The following PCBD2 variants were observed in gnomAD, a reference collection of about 807,000 sequenced individuals.
PCBD2 encodes pterin-4 alpha-carbinolamine dehydratase 2.
Under a neutral mutation model 16.4 loss-of-function variants are expected in PCBD2, and 12 were observed. The observed-to-expected ratio is 0.73, with a 90% CI of 0.47 to 1.19. The LOEUF (loss-of-function observed/expected upper bound fraction) is 1.19. Among genes scored for constraint, PCBD2 ranks in the 50% most tolerant of loss-of-function variants. PCBD2 has a pLI of 0.00. For missense variants in PCBD2, 138 were observed against 156.8 expected, an observed-to-expected ratio of 0.88 and a Z score of 0.64; for synonymous variants, 58 against 61.8, an observed-to-expected ratio of 0.94 and a Z score of 0.29.
At chr5:134,954,375 A>G (rs1751392118) in intron 2 of PCBD2, among the ~76,000 whole-genome samples, 1 of 151,950 alleles carries the variant, frequency 6.6e-6, no homozygotes, top group Non-Finnish European at 1.5e-5. Context: ...TTCTCTTTTA[A>G]ACTCCTTTAA....
At chr5:134,906,598 T>C (rs1750694229) in intron 1 of PCBD2, among the ~76,000 whole-genome samples, 1 of 152,178 alleles carries the variant, frequency 6.6e-6, no homozygotes, top group Non-Finnish European at 1.5e-5. Flanking sequence ...AGGCGTACTC[T>C]GCCCCAGGTG....
chr5:134,947,892 C>T (rs1751317054), intron 2 of PCBD2, among the ~76,000 whole-genome samples: 1 of 151,610 alleles, frequency 6.6e-6, no homozygotes, highest in Admixed American at 6.6e-5. Context: ...CTTTGGTAAT[C>T]TTTGCAATAC....
intron 2 of PCBD2, among the ~76,000 whole-genome samples, chr5:134,913,105 A>G (rs1408695579): frequency 2.6e-5 from 4 of 152,198 alleles, no homozygotes; most frequent in Admixed American, 2.6e-4. Context: ...AATTTTTTAA[A>G]TTTTATCATG....
At chr5:134,938,872 G>A (rs1378680013) in intron 2 of PCBD2, among the ~76,000 whole-genome samples, 1 of 152,094 alleles carries the variant, frequency 6.6e-6, no homozygotes, top group Non-Finnish European at 1.5e-5. Context: ...GCAAAAGAAA[G>A]GTGTTGTACA....
intron 2 of PCBD2, among the ~76,000 whole-genome samples, chr5:134,950,235 A>T (rs1280901318): frequency 6.6e-6 from 1 of 152,222 alleles, no homozygotes; most frequent in Non-Finnish European, 1.5e-5. Flanking sequence ...TGTACTGGGG[A>T]AATTACTTTG....
chr5:134,928,525 GA>G (rs1751049976), intron 2 of PCBD2: 1 of 285,536 alleles, frequency 3.5e-6, no homozygotes, highest in Non-Finnish European at 6.5e-6. Flanking sequence ...AGGGTAAAAG[GA>G]GTGAAGGGTA....
chr5:134,905,281 C>T, intron 1 of PCBD2, 58 bp downstream of exon 1: 1 of 1,205,890 alleles, frequency 8.3e-7, no homozygotes, highest in Non-Finnish European at 1.0e-6. Flanking sequence ...GTGCGAGGCC[C>T]GGCGGCGTCG....
intron 2 of PCBD2, among the ~76,000 whole-genome samples, chr5:134,958,313 C>T (rs560871418): frequency 1.6e-4 from 25 of 152,328 alleles, no homozygotes; most frequent in African/African-American, 4.8e-4. Context: ...TTCCACTCCC[C>T]GTGTGGTATA....
intron 2 of PCBD2, among the ~76,000 whole-genome samples, chr5:134,951,243 ATTTCT>A (rs1343845957): frequency 6.6e-6 from 1 of 152,184 alleles, no homozygotes; most frequent in East Asian, 1.9e-4. Flanking sequence ...CAAGCATATA[ATTTCT>A]TTTCTTTCCT....
chr5:134,928,467 A>C (rs1490196660), intron 2 of PCBD2: 1 of 326,084 alleles, frequency 3.1e-6, no homozygotes, highest in Admixed American at 5.0e-5. Flanking sequence ...AATAAGAGGG[A>C]CGATGTGACT....
intron 2 of PCBD2, among the ~76,000 whole-genome samples, chr5:134,953,517 G>A (rs750922016): frequency 6.6e-6 from 1 of 151,908 alleles, no homozygotes; most frequent in Non-Finnish European, 1.5e-5. Flanking sequence ...ATTTCTGGCT[G>A]GGCATTGTGG....
rs1445655858 is a variant in PCBD2 at position 134,941,102 on chromosome 5, G to A, written c.217-17938G>A. Among the ~76,000 whole-genome samples the A allele has an allele frequency of 4.3e-5, 6 of 140,650 alleles. No homozygotes were observed. In the East Asian group the frequency reaches 8.4e-4, roughly 20 times the overall value. 92.3% of individuals were successfully genotyped at this position (140,650 alleles called of 152,430 possible). ...TGCACTCGAGCCTGGGCAATAGAGCGAGAGTCCATCTCAAGGAAAAAAAAA... is the reference window on the plus strand; with the variant it reads ...TGCACTCGAGCCTGGGCAATAGAGCAAGAGTCCATCTCAAGGAAAAAAAAA... On this transcript the variant is annotated intron_variant, in intron 2 of 3. Transcript: ENST00000254908.
intron 2 of PCBD2, among the ~76,000 whole-genome samples, chr5:134,929,134 G>T (rs1246807425): frequency 6.6e-6 from 1 of 152,142 alleles, no homozygotes; most frequent in Non-Finnish European, 1.5e-5. Context: ...TCAGGACTTG[G>T]TCCATTTAGG....
At chr5:134,950,058 G>C (rs1489456301) in intron 2 of PCBD2, among the ~76,000 whole-genome samples, 1 of 152,180 alleles carries the variant, frequency 6.6e-6, no homozygotes, top group Non-Finnish European at 1.5e-5. Flanking sequence ...ACTGATTTAT[G>C]TAATAGTGTT....
intron 2 of PCBD2, among the ~76,000 whole-genome samples, chr5:134,948,783 G>A (rs1158763988): frequency 1.3e-5 from 2 of 150,574 alleles, no homozygotes; most frequent in African/African-American, 2.5e-5. Flanking sequence ...TGAAAGCAGT[G>A]TTTAGAAGTG....
intron 2 of PCBD2, chr5:134,924,984 G>A (rs74844801): frequency 5.1e-6 from 2 of 392,440 alleles, no homozygotes; most frequent in African/African-American, 2.1e-5. Flanking sequence ...GGGAAGTGAC[G>A]CCTAGGGCTG....
chr5:134,926,579 T>G (rs914910060), intron 2 of PCBD2: 2 of 396,042 alleles, frequency 5.0e-6, no homozygotes, highest in Non-Finnish European at 8.9e-6. Context: ...GCAGTTCTTA[T>G]GCGCTTTCTC....
intron 2 of PCBD2, among the ~76,000 whole-genome samples, chr5:134,935,966 G>T (rs1271716889): frequency 6.6e-6 from 1 of 152,080 alleles, no homozygotes; most frequent in Non-Finnish European, 1.5e-5. Flanking sequence ...CTTTGGCCTG[G>T]GTCTCACTAA....
intron 2 of PCBD2, among the ~76,000 whole-genome samples, chr5:134,918,728 A>G (rs1333289635): frequency 6.6e-6 from 1 of 152,182 alleles, no homozygotes; most frequent in Non-Finnish European, 1.5e-5. Context: ...TATTTTAGCA[A>G]ACTTTACCTA....
Sources: allele counts gnomAD v4.1 joint callset (sites outside exome capture counted in the v4.1 genomes callset), GRCh38; gene constraint gnomAD v4.1.1; transcripts MANE v1.5; gene names NCBI Gene and HGNC (gene_info 2026-07-23, HGNC 2026-07-21).